The following ATP8A2 variants were observed in gnomAD, a reference collection of about 807,000 sequenced individuals.
The protein encoded by ATP8A2 is ATPase phospholipid transporting 8A2.
In ATP8A2, 100 loss-of-function variants were observed where a neutral mutation model predicts 165.6. The ratio of observed to expected loss-of-function variants is 0.60; its 90% CI spans 0.51 to 0.71. The LOEUF (loss-of-function observed/expected upper bound fraction) is 0.71, where lower values mean the gene tolerates loss of function less well. Ranked by LOEUF, ATP8A2 falls within the 30% of genes least tolerant of loss-of-function variation. The pLI, the probability that ATP8A2 is intolerant of heterozygous loss-of-function variation, is 0.00. For missense variants in ATP8A2, 1,227 were observed against 1,479.5 expected, an observed-to-expected ratio of 0.83 and a Z score of 2.80; for synonymous variants, 543 against 548.8, an observed-to-expected ratio of 0.99 and a Z score of 0.15.
At chr13:25,848,618 A>G (rs576137814) in intron 30 of ATP8A2, among the ~76,000 whole-genome samples, 9 of 152,364 alleles carry the variant, frequency 5.9e-5, no homozygotes, top group Non-Finnish European at 1.2e-4. Context: ...AACTTTATCC[A>G]GCAGAAATGG....
intron 25 of ATP8A2, among the ~76,000 whole-genome samples, chr13:25,731,330 G>C (rs1476070847): frequency 6.9e-6 from 1 of 144,246 alleles, no homozygotes; most frequent in Non-Finnish European, 1.5e-5. Flanking sequence ...GAGAGAAAGA[G>C]AGAAAGGGAA....
intron 25 of ATP8A2, among the ~76,000 whole-genome samples, chr13:25,707,310 T>C (rs2137958812): frequency 6.6e-6 from 1 of 152,318 alleles, no homozygotes; most frequent in East Asian, 1.9e-4. Flanking sequence ...TAAATACCTA[T>C]TGCAGCAAAT....
intron 2 of ATP8A2, among the ~76,000 whole-genome samples, chr13:25,484,797 G>A (rs1363776758): frequency 2.0e-5 from 3 of 152,186 alleles, no homozygotes; most frequent in African/African-American, 7.2e-5. Context: ...GATTACAGGC[G>A]TGAGCGACCG....
In ATP8A2 at chr13:25,481,120, C is replaced by T. The variant is rs369678244; in HGVS notation, c.221+11999C>T. On this transcript the variant is annotated intron_variant, in intron 2 of 36. Coordinates refer to ENST00000381655, the MANE Select transcript of ATP8A2 (RefSeq NM_016529.6). ...AGATGGCAGCAGTACAGTCCAGCTT[C>T]GGCTCGGCATCAGAGGGAGACCGTG... Among the ~76,000 whole-genome samples the T allele has an allele frequency of 2.8e-3, 379 of 137,234 alleles. 3 individuals carry two copies. Among genetic ancestry groups the T allele is most frequent in the African/African-American group, 9.6e-3 (356 of 37,020 alleles). The allele number at this position is 137,234 out of a possible 152,430, so 90.0% of individuals were successfully genotyped here. A position where few individuals can be genotyped will look rare whatever the true frequency, so the allele number is the denominator to read the frequency against.
intron 33 of ATP8A2, among the ~76,000 whole-genome samples, chr13:25,918,753 C>T (rs1954343460): frequency 1.3e-5 from 2 of 152,328 alleles, no homozygotes; most frequent in Admixed American, 6.5e-5. Context: ...ACTTGTCTCC[C>T]ATCCCTCCCA....
chr13:25,609,531 T>TTTGGGATTCAAATATATATATATATA (rs1555229990), intron 24 of ATP8A2, among the ~76,000 whole-genome samples: 3 of 142,906 alleles, frequency 2.1e-5, no homozygotes, highest in Admixed American at 7.1e-5. Context: ...TATATATATA[T>TTTGGGATTCAAATATATATATATATA]TTGGGATTCA....
intron 11 of ATP8A2, among the ~76,000 whole-genome samples, chr13:25,552,953 A>G (rs1214203675): frequency 6.6e-6 from 1 of 152,064 alleles, no homozygotes; most frequent in East Asian, 1.9e-4. Flanking sequence ...GAAAAAACCT[A>G]GTAACTATGG....
intron 24 of ATP8A2, among the ~76,000 whole-genome samples, chr13:25,665,893 A>C (rs1470973006): frequency 6.7e-6 from 1 of 149,404 alleles, no homozygotes; most frequent in African/African-American, 2.4e-5. Context: ...TTATAATAAA[A>C]TATGTTCATA....
chr13:25,620,961 A>G (rs2040952729), intron 24 of ATP8A2, among the ~76,000 whole-genome samples: 1 of 152,312 alleles, frequency 6.6e-6, no homozygotes, highest in East Asian at 1.9e-4. Flanking sequence ...TGTGATGCTT[A>G]TGATGGGAAG....
At chr13:25,539,061 G>A (rs1047837574) in intron 7 of ATP8A2, among the ~76,000 whole-genome samples, 2 of 23,576 alleles carry the variant, frequency 8.5e-5, no homozygotes, top group Middle Eastern at 0.024. Context: ...AGAAAATTTA[G>A]TGTGTGTGTG....
At chr13:25,591,583 C>CTT (rs749798935) in intron 24 of ATP8A2, among the ~76,000 whole-genome samples, 83 of 131,804 alleles carry the variant, frequency 6.3e-4, no homozygotes, top group East Asian at 1.6e-3. Context: ...TAGCTTATAA[C>CTT]TTTTTTTTTT....
At chr13:25,996,963 C>T (rs111828437) in intron 35 of ATP8A2, among the ~76,000 whole-genome samples, 37,071 of 151,940 alleles carry the variant, frequency 0.24, 4,811 homozygotes, top group Middle Eastern at 0.32. Context: ...GGATTACAGG[C>T]GTGAGCCACC....
At chr13:25,961,265 T>C (rs1955652667) in intron 33 of ATP8A2, among the ~76,000 whole-genome samples, 2 of 152,190 alleles carry the variant, frequency 1.3e-5, no homozygotes, top group Non-Finnish European at 2.9e-5. Context: ...GCAGTGTTGG[T>C]GACTCCAACA....
At chr13:25,534,072 T>G in intron 6 of ATP8A2, 1 of 458,368 alleles carries the variant, frequency 2.2e-6, no homozygotes, top group East Asian at 6.6e-5. Context: ...AAACATTTAA[T>G]AAACAATGTT....
intron 35 of ATP8A2, among the ~76,000 whole-genome samples, chr13:25,982,496 A>G (rs1399071702): frequency 3.9e-5 from 6 of 152,218 alleles, no homozygotes; most frequent in Non-Finnish European, 7.3e-5. Flanking sequence ...TATTCTGTAC[A>G]CTGGAGCATT....
chr13:25,430,037 G>C (rs2034562500), intron 1 of ATP8A2, among the ~76,000 whole-genome samples: 1 of 152,196 alleles, frequency 6.6e-6, no homozygotes, highest in Admixed American at 6.5e-5. Context: ...TCATGGCTCT[G>C]ATGTTTGGGT....
chr13:25,452,794 A>G (rs902773654), intron 1 of ATP8A2, among the ~76,000 whole-genome samples: 1 of 152,140 alleles, frequency 6.6e-6, no homozygotes, highest in Non-Finnish European at 1.5e-5. Context: ...AAACTTTTGA[A>G]TTAAAAATAA....
At chr13:25,399,595 G>A in intron 1 of ATP8A2, among the ~76,000 whole-genome samples, 1 of 122,298 alleles carries the variant, frequency 8.2e-6, no homozygotes, top group African/African-American at 3.0e-5. Flanking sequence ...GTAGAGACGG[G>A]GTTTCACCGT....
chr13:25,956,845 G>A (rs188034172), intron 33 of ATP8A2, among the ~76,000 whole-genome samples: 15 of 152,294 alleles, frequency 9.8e-5, no homozygotes, highest in Middle Eastern at 3.4e-3. Context: ...AAAGCTGGAG[G>A]CATCACACTA....
Sources: allele counts gnomAD v4.1 joint callset (sites outside exome capture counted in the v4.1 genomes callset), GRCh38; gene constraint gnomAD v4.1.1; transcripts MANE v1.5; gene names NCBI Gene and HGNC (gene_info 2026-07-23, HGNC 2026-07-21).